The following ST18 variants were observed in gnomAD, a reference collection of about 807,000 sequenced individuals.
ST18 encodes ST18 C2H2C-type zinc finger transcription factor.
Under a neutral mutation model 110.0 loss-of-function variants are expected in ST18, and 50 were observed. The observed-to-expected ratio is 0.45, with a 90% CI of 0.36 to 0.58. The LOEUF (loss-of-function observed/expected upper bound fraction) is 0.58, where lower values mean the gene tolerates loss of function less well. Among genes scored for constraint, ST18 ranks in the 20% least tolerant of loss-of-function variants. ST18 has a pLI of 0.00. For synonymous variants in ST18, 461 were observed against 452.4 expected, an observed-to-expected ratio of 1.02 and a Z score of -0.24; for missense variants, 1,306 against 1,280.1, an observed-to-expected ratio of 1.02 and a Z score of -0.31.
chr8:52,203,972 G>T (rs554795685), intron 8 of ST18, among the ~76,000 whole-genome samples: 115 of 152,266 alleles, frequency 7.6e-4, no homozygotes, highest in African/African-American at 2.7e-3. Context: ...CAATTTAGGT[G>T]GTTATAGAGT....
At chr8:52,353,995 A>C (rs1260760344) in intron 2 of ST18, among the ~76,000 whole-genome samples, 1 of 152,152 alleles carries the variant, frequency 6.6e-6, no homozygotes, top group Non-Finnish European at 1.5e-5. Context: ...AGCCCACTCC[A>C]CCTGCTGAAC....
At chr8:52,154,037 G>A (rs186294412) in intron 15 of ST18, among the ~76,000 whole-genome samples, 1 of 152,236 alleles carries the variant, frequency 6.6e-6, no homozygotes, top group East Asian at 1.9e-4. Flanking sequence ...TTTTGAATAC[G>A]AAAAGAGACA....
At chr8:52,317,460 C>A (rs534672435) in intron 2 of ST18, among the ~76,000 whole-genome samples, 1 of 152,304 alleles carries the variant, frequency 6.6e-6, no homozygotes, top group South Asian at 2.1e-4. Context: ...CCTGCCAACA[C>A]CTTGATTTCA....
At chr8:52,201,782 C>A (rs1053753580) in intron 8 of ST18, among the ~76,000 whole-genome samples, 2 of 152,168 alleles carry the variant, frequency 1.3e-5, no homozygotes, top group African/African-American at 4.8e-5. Context: ...ACTCCCTGGG[C>A]TGACCCCTTC....
At chr8:52,397,081 T>C (rs11986596) in intron 2 of ST18, among the ~76,000 whole-genome samples, 2 of 152,182 alleles carry the variant, frequency 1.3e-5, no homozygotes, top group Non-Finnish European at 2.9e-5. Context: ...AATGGCTGTA[T>C]CAATCTACAA....
At chr8:52,140,376 A>T (rs2131958995) in intron 17 of ST18, among the ~76,000 whole-genome samples, 1 of 152,202 alleles carries the variant, frequency 6.6e-6, no homozygotes, top group African/African-American at 2.4e-5. Context: ...CTAAAAATAC[A>T]AAAATTAGCC....
chr8:52,323,385 C>T (rs1454085345), intron 2 of ST18, among the ~76,000 whole-genome samples: 1 of 152,220 alleles, frequency 6.6e-6, no homozygotes, highest in African/African-American at 2.4e-5. Flanking sequence ...ACTACATCCT[C>T]CTTGAAAGAG....
chr8:52,239,422 T>C (rs140250256), intron 2 of ST18, among the ~76,000 whole-genome samples: 3 of 152,214 alleles, frequency 2.0e-5, no homozygotes, highest in Non-Finnish European at 4.4e-5. Context: ...GGTGCCTGCA[T>C]GCTGTTTTAA....
At chr8:52,372,355 A>C (rs1830577509) in intron 2 of ST18, among the ~76,000 whole-genome samples, 1 of 152,242 alleles carries the variant, frequency 6.6e-6, no homozygotes, top group Non-Finnish European at 1.5e-5. Flanking sequence ...AAGCTGAAAA[A>C]AAGTTAAAAG....
chr8:52,180,447 C>T (rs1335754245), intron 8 of ST18, 135 bp from the exon 9 acceptor site: 2 of 824,884 alleles, frequency 2.4e-6, no homozygotes, highest in African/African-American at 1.7e-5. Flanking sequence ...CTGGCACTAA[C>T]AAAAACATCC....
Position 52,164,000 on chromosome 8 carries a change from A to T in ST18, c.1386T>A (p.Pro462=). ...QLDSPQTGQC[P]DQAHRTSLVK... is the part of the protein sequence containing the mutation. ...GGGGTTCATACCTGTGGGCCTGGTC[A>T]GGACACTGCCCAGTTTGGGGAGAAT... The change falls in exon 13 of 26, where the codon CCT becomes CCA. Residue 462 remains proline (P), a synonymous_variant. Transcript: ENST00000689386. The T allele has an allele frequency of 6.2e-7, 1 of 1,614,082 alleles. No individual in the cohort carries two copies. The highest frequency in any genetic ancestry group is 8.5e-7 in the Non-Finnish European group (1 of 1,179,924).
chr8:52,374,875 A>G (rs912399377), intron 2 of ST18, among the ~76,000 whole-genome samples: 2 of 152,190 alleles, frequency 1.3e-5, no homozygotes, highest in African/African-American at 4.8e-5. Flanking sequence ...ATTCCTTTTT[A>G]TGGCTGCATA....
intron 2 of ST18, among the ~76,000 whole-genome samples, chr8:52,234,399 G>A (rs1162721165): frequency 2.6e-5 from 4 of 151,938 alleles, no homozygotes; most frequent in Non-Finnish European, 5.9e-5. Context: ...TGGGTAGCTG[G>A]GATGACAGAT....
In ST18 at chr8:52,111,576, G is replaced by A. The variant is rs2040551670; in HGVS notation, c.*1622C>T. 1 of 152,560 alleles carries A rather than the reference G, an allele frequency of 6.6e-6. No homozygotes were observed. The highest frequency in any genetic ancestry group is 2.4e-5 in the African/African-American group (1 of 41,412). 9.5% of individuals were successfully genotyped at this position (152,560 alleles called of 1,614,324 possible). On this transcript the variant is annotated 3_prime_UTR_variant, in exon 26 of 26. Transcript: ENST00000689386. The stretch of plus-strand genomic sequence containing the variant: ...TACTGTTGAGTATTGTTTTTCATTT[G>A]TGCAGGTAACAGTAATAACAGTGGA...
intron 9 of ST18, among the ~76,000 whole-genome samples, chr8:52,177,031 G>C (rs1219824295): frequency 6.6e-6 from 1 of 152,182 alleles, no homozygotes; most frequent in Non-Finnish European, 1.5e-5. Flanking sequence ...CCAGCCCCTA[G>C]AACTTCTATG....
At chr8:52,390,537 A>C (rs1223165836) in intron 2 of ST18, among the ~76,000 whole-genome samples, 2 of 152,230 alleles carry the variant, frequency 1.3e-5, no homozygotes, top group Non-Finnish European at 2.9e-5. Context: ...AGTTGTAGAA[A>C]TATGTCCGAT....
chr8:52,218,781 C>T lies in ST18; in HGVS notation c.-156-880G>A, dbSNP rs148585026. On this transcript the variant is annotated intron_variant, in intron 5 of 25. Transcript: ENST00000689386. ...TTGAACAAGATTTTGCTGTGCTCAT[C>T]GCCTGAGATTTTTGACCTGGCAGTG... is the stretch of plus-strand genomic sequence containing the variant. Among the ~76,000 whole-genome samples the T allele has an allele frequency of 3.5e-4, 53 of 152,100 alleles. No individual in the cohort carries two copies. The East Asian group carries it at 8.5e-3, about 24-fold the overall frequency.
intron 2 of ST18, among the ~76,000 whole-genome samples, chr8:52,241,115 C>T (rs1010300310): frequency 5.3e-5 from 8 of 152,166 alleles, no homozygotes; most frequent in African/African-American, 1.9e-4. Flanking sequence ...AAATGTATGT[C>T]CTGGGCTTGC....
At chr8:52,166,788 G>C in intron 11 of ST18, 64 bp downstream of exon 11, 4 of 1,409,558 alleles carry the variant, frequency 2.8e-6, no homozygotes, top group Non-Finnish European at 3.7e-6. Context: ...GGGAGACAAA[G>C]AGGATAACAT....
Sources: allele counts gnomAD v4.1 joint callset (sites outside exome capture counted in the v4.1 genomes callset), GRCh38; gene constraint gnomAD v4.1.1; transcripts MANE v1.5; gene names NCBI Gene and HGNC (gene_info 2026-07-23, HGNC 2026-07-21).